Variants in SH3KBP1 observed in about 807,000 individuals in gnomAD.
SH3KBP1 encodes the protein SH3 domain containing kinase binding protein 1.
Under a neutral mutation model 50.1 loss-of-function variants are expected in SH3KBP1, and 8 were observed. That is an observed-to-expected ratio of 0.16 (90% CI 0.09 to 0.29). SH3KBP1 has a LOEUF of 0.29. SH3KBP1 is among the 10% of genes least tolerant of loss of function. The pLI, the probability that SH3KBP1 is intolerant of heterozygous loss-of-function variation, is 1.00. For missense variants in SH3KBP1, 377 were observed against 535.2 expected (o/e 0.70, Z 2.92); for synonymous variants, 227 against 218.6 (o/e 1.04, Z -0.34).
At chrX:19,778,304 G>A (rs779616474) in intron 2 of SH3KBP1, among the ~76,000 whole-genome samples, 5 of 108,777 alleles carry the variant, frequency 4.6e-5, no homozygotes, top group Admixed American at 2.9e-4. Flanking sequence ...GATGGCGGGC[G>A]CCTGTAATCC....
chrX:19,807,033 T>A (rs1401789010), intron 2 of SH3KBP1, among the ~76,000 whole-genome samples: 2 of 111,887 alleles, frequency 1.8e-5, no homozygotes, highest in African/African-American at 3.3e-5. Flanking sequence ...AGTTTTCCCA[T>A]CTATAACATA....
At chrX:19,846,343 T>C (rs1321432964) in intron 1 of SH3KBP1, among the ~76,000 whole-genome samples, 1 of 112,536 alleles carries the variant, frequency 8.9e-6, no homozygotes, top group African/African-American at 3.2e-5. Context: ...AGCCACCACA[T>C]CTGGCCAGAA....
intron 8 of SH3KBP1, among the ~76,000 whole-genome samples, chrX:19,619,895 A>T (rs1202325355): frequency 8.9e-6 from 1 of 112,540 alleles, no homozygotes; most frequent in Admixed American, 9.4e-5. Context: ...GTTGCTAGGG[A>T]CCTTGCTAGG....
intron 5 of SH3KBP1, among the ~76,000 whole-genome samples, chrX:19,686,847 A>G (rs899153481): frequency 2.7e-5 from 3 of 111,857 alleles, no homozygotes; most frequent in Non-Finnish European, 3.8e-5. Context: ...GAAAAAAAAG[A>G]ACAAAGCCTC....
chrX:19,792,496 G>A (rs1005187594), intron 2 of SH3KBP1, among the ~76,000 whole-genome samples: 5 of 110,985 alleles, frequency 4.5e-5, no homozygotes, highest in African/African-American at 1.6e-4. Context: ...TCCTTTGGCA[G>A]ACACAATGCT....
intron 8 of SH3KBP1, among the ~76,000 whole-genome samples, chrX:19,612,850 C>T (rs893988301): frequency 6.3e-5 from 7 of 111,706 alleles, no homozygotes; most frequent in Admixed American, 9.5e-5. Context: ...AGCTGGGCAG[C>T]CTGGAAGCAG....
intron 1 of SH3KBP1, among the ~76,000 whole-genome samples, chrX:19,845,521 T>C (rs2068345813): frequency 9.1e-6 from 1 of 109,402 alleles, no homozygotes; most frequent in Non-Finnish European, 1.9e-5. Context: ...TAGTAAAAAA[T>C]AAAGACAACA....
rs537820827 is a variant in SH3KBP1, at chrX:19,816,808, A to G, written c.162+19317T>C. 2.1e-4 allele frequency among the ~76,000 whole-genome samples: 23 copies of G among 111,499 alleles called. No individual in the cohort carries two copies. The South Asian group carries it at 8.7e-3, about 42-fold the overall frequency. ...GGGCAACGGAGCAAAAACAAAAAAG[A>G]TTTTGTTTTTGGTATGATATCTAAG... On this transcript the variant is annotated intron_variant, in intron 2 of 17. Coordinates refer to ENST00000397821, the MANE Select transcript of SH3KBP1 (RefSeq NM_031892.3).
intron 3 of SH3KBP1, among the ~76,000 whole-genome samples, chrX:19,725,979 T>C (rs2064211353): frequency 9.0e-6 from 1 of 111,341 alleles, no homozygotes; most frequent in Non-Finnish European, 1.9e-5. Context: ...TGTCTGAGAG[T>C]GGACATGAAG....
chrX:19,716,284 G>A, intron 3 of SH3KBP1, among the ~76,000 whole-genome samples: 1 of 111,967 alleles, frequency 8.9e-6, no homozygotes, highest in East Asian at 2.8e-4. Flanking sequence ...GGACCCTGTG[G>A]GTGTTTCTTT....
At chrX:19,552,487 T>C (rs908551285) in intron 13 of SH3KBP1, among the ~76,000 whole-genome samples, 2 of 109,391 alleles carry the variant, frequency 1.8e-5, no homozygotes, top group Non-Finnish European at 3.8e-5. Context: ...GTGAAGGAGA[T>C]GGAAGAGGGG....
chrX:19,675,497 C>T (rs763507527), intron 6 of SH3KBP1, among the ~76,000 whole-genome samples: 12 of 109,813 alleles, frequency 1.1e-4, no homozygotes, highest in African/African-American at 2.7e-4. Flanking sequence ...CTCCACCTCC[C>T]GGGTTCAAGC....
At chrX:19,831,423 A>T (rs1175275174) in intron 2 of SH3KBP1, among the ~76,000 whole-genome samples, 2 of 107,714 alleles carry the variant, frequency 1.9e-5, no homozygotes, top group Non-Finnish European at 3.8e-5. Flanking sequence ...AAAAAAAAAA[A>T]AAAAAAGAAA....
chrX:19,626,865 G>C (rs1011239959), intron 8 of SH3KBP1, among the ~76,000 whole-genome samples: 1 of 109,366 alleles, frequency 9.1e-6, no homozygotes, highest in Non-Finnish European at 1.9e-5. Context: ...CACTGAGCCC[G>C]GCCTGGGTCC....
At chrX:19,731,399 G>T (rs2064373588) in intron 3 of SH3KBP1, among the ~76,000 whole-genome samples, 1 of 111,751 alleles carries the variant, frequency 8.9e-6, no homozygotes, top group Non-Finnish European at 1.9e-5. Flanking sequence ...TTCTCTTTGA[G>T]CACAGTGTTA....
At chrX:19,609,901 A>G (rs935393631) in intron 8 of SH3KBP1, among the ~76,000 whole-genome samples, 7 of 112,055 alleles carry the variant, frequency 6.2e-5, no homozygotes, top group Admixed American at 9.5e-5. Context: ...GATGGCCTCT[A>G]TCTGCCTAAA....
At chrX:19,782,380 G>A (rs929517845) in intron 2 of SH3KBP1, among the ~76,000 whole-genome samples, 4 of 111,609 alleles carry the variant, frequency 3.6e-5, no homozygotes, top group African/African-American at 1.3e-4. Flanking sequence ...AATTTCTGTT[G>A]TTTTAAGCCA....
chrX:19,786,094 A>AT (rs1205909193), intron 2 of SH3KBP1, among the ~76,000 whole-genome samples: 1 of 112,085 alleles, frequency 8.9e-6, no homozygotes, highest in East Asian at 2.8e-4. Context: ...TTGCACAATA[A>AT]TTTTTTACAT....
chrX:19,605,715 A>G (rs1336551388), intron 9 of SH3KBP1, among the ~76,000 whole-genome samples: 2 of 112,001 alleles, frequency 1.8e-5, no homozygotes, highest in East Asian at 5.6e-4. Flanking sequence ...ACCCATGTGC[A>G]CGCTTCACTT....
Sources: gnomAD v4.1 joint callset for allele counts (sites outside exome capture counted in the v4.1 genomes callset) on GRCh38, gnomAD v4.1.1 for gene constraint, MANE v1.5 for transcripts, NCBI Gene and HGNC (gene_info 2026-07-23, HGNC 2026-07-21) for gene names.